FHIT: variants seen among roughly 807,000 people sequenced by gnomAD.
The protein encoded by FHIT is bis(5'-adenosyl)-triphosphatase.
In FHIT, 19 loss-of-function variants were observed where a neutral mutation model predicts 17.9. The observed-to-expected ratio is 1.06, with a 90% CI of 0.74 to 1.56. The LOEUF (loss-of-function observed/expected upper bound fraction) is 1.56. FHIT is among the 40% of genes most tolerant of loss of function. The probability of loss-of-function intolerance (pLI) is 0.00; values close to 1 mark genes in which losing one functional copy is unlikely to be tolerated. For synonymous variants in FHIT, 81 were observed against 69.7 expected (o/e 1.16, Z -0.81); for missense variants, 248 against 189.2 (o/e 1.31, Z -1.82).
chr3:60,861,616 T>C (rs1703899847), intron 3 of FHIT, among the ~76,000 whole-genome samples: 1 of 151,972 alleles, frequency 6.6e-6, no homozygotes, highest in African/African-American at 2.4e-5. Context: ...ATATTGATAG[T>C]CTAGTCTCTC....
At chr3:60,337,981 G>A (rs925058591) in intron 5 of FHIT, among the ~76,000 whole-genome samples, 3 of 152,044 alleles carry the variant, frequency 2.0e-5, no homozygotes, top group South Asian at 2.1e-4. Context: ...TCGAAAAATC[G>A]AACACCCAAG....
chr3:61,226,243 G>A (rs1458211185), intron 1 of FHIT, among the ~76,000 whole-genome samples: 2 of 152,144 alleles, frequency 1.3e-5, no homozygotes, highest in Non-Finnish European at 2.9e-5. Flanking sequence ...GAAAGAAGGT[G>A]CTAGTCAAAT....
At chr3:60,171,370 G>C (rs1402579826) in intron 5 of FHIT, among the ~76,000 whole-genome samples, 1 of 152,092 alleles carries the variant, frequency 6.6e-6, no homozygotes, top group African/African-American at 2.4e-5. Context: ...TGGAGCCTTT[G>C]GGTGATGTTC....
intron 8 of FHIT, among the ~76,000 whole-genome samples, chr3:59,770,219 C>T (rs539792603): frequency 3.9e-5 from 6 of 152,276 alleles, no homozygotes; most frequent in South Asian, 2.1e-4. Flanking sequence ...CTCATCGAAT[C>T]GTCCTAACAA....
intron 4 of FHIT, chr3:60,732,158 C>T (rs946433399): frequency 3.9e-6 from 3 of 772,010 alleles, no homozygotes; most frequent in Non-Finnish European, 6.7e-6. Context: ...TAGAGCTGTC[C>T]ACAGTCAGCA....
At chr3:60,605,784 A>T (rs1553671005) in intron 4 of FHIT, among the ~76,000 whole-genome samples, 1 of 152,154 alleles carries the variant, frequency 6.6e-6, no homozygotes, top group East Asian at 1.9e-4. Flanking sequence ...TGCCTATGAG[A>T]GTTTTGAGAA....
chr3:60,704,605 G>A (rs1577089587), intron 4 of FHIT, among the ~76,000 whole-genome samples: 1 of 152,136 alleles, frequency 6.6e-6, no homozygotes, highest in East Asian at 1.9e-4. Flanking sequence ...CAGGCAGAAA[G>A]AGACAGAAAA....
chr3:60,439,508 T>C (rs190646297), intron 5 of FHIT, among the ~76,000 whole-genome samples: 75 of 151,858 alleles, frequency 4.9e-4, no homozygotes, highest in African/African-American at 1.8e-3. Context: ...CTGCTTTTAG[T>C]TTTGGGTACG....
At chr3:60,200,764 C>T (rs1702864436) in intron 5 of FHIT, among the ~76,000 whole-genome samples, 1 of 152,046 alleles carries the variant, frequency 6.6e-6, no homozygotes, top group African/African-American at 2.4e-5. Flanking sequence ...TGCTACACTG[C>T]TCTTGATGAT....
chr3:60,482,599 G>A (rs2033660930), intron 5 of FHIT, among the ~76,000 whole-genome samples: 1 of 152,118 alleles, frequency 6.6e-6, no homozygotes, highest in Non-Finnish European at 1.5e-5. Flanking sequence ...ATGGAATTAA[G>A]GCGGAAATCA....
At chr3:60,521,740 A>G in intron 5 of FHIT, among the ~76,000 whole-genome samples, 1 of 152,184 alleles carries the variant, frequency 6.6e-6, no homozygotes, top group East Asian at 1.9e-4. Flanking sequence ...GTTTCCCCAT[A>G]TGGGACTAAA....
At chr3:60,552,455 G>C (rs1355008547) in intron 4 of FHIT, among the ~76,000 whole-genome samples, 1 of 152,052 alleles carries the variant, frequency 6.6e-6, no homozygotes, top group African/African-American at 2.4e-5. Context: ...AATGAAAGAG[G>C]GTTCCAAGTC....
rs191108506 is a variant in FHIT at position 60,205,609 on chromosome 3, G to T, written c.104-191457C>A. Among the ~76,000 whole-genome samples, 150 of 152,246 alleles carry T rather than the reference G, an allele frequency of 9.9e-4. 1 individual carries two copies. The highest frequency in any genetic ancestry group is 3.5e-3 in the African/African-American group (146 of 41,542). ...TCTGGGAGCACTCCAGGAAGAGGGA[G>T]GATAGAGCATGGTGGATGAGGTGGG... On this transcript the variant is annotated intron_variant, in intron 5 of 9. Coordinates refer to ENST00000492590, the MANE Select transcript of FHIT (RefSeq NM_002012.4).
At chr3:60,298,196 T>C in intron 5 of FHIT, among the ~76,000 whole-genome samples, 1 of 152,040 alleles carries the variant, frequency 6.6e-6, no homozygotes, top group East Asian at 1.9e-4. Flanking sequence ...GAAGCTTCAT[T>C]TCTTATGCAT....
chr3:60,906,100 A>C (rs927444481), intron 3 of FHIT, among the ~76,000 whole-genome samples: 1 of 152,240 alleles, frequency 6.6e-6, no homozygotes, highest in African/African-American at 2.4e-5. Context: ...GAAAAAAATA[A>C]ATTCAAATAA....
chr3:59,819,056 AGTG>A (rs1700702393), intron 8 of FHIT, among the ~76,000 whole-genome samples: 1 of 152,232 alleles, frequency 6.6e-6, no homozygotes, highest in African/African-American at 2.4e-5. Context: ...GTTGACTTGA[AGTG>A]GTGTAGAAAC....
At chr3:59,918,284 T>C (rs1015484600) in intron 8 of FHIT, among the ~76,000 whole-genome samples, 1 of 152,158 alleles carries the variant, frequency 6.6e-6, no homozygotes, top group Admixed American at 6.5e-5. Context: ...CCAGATTAGA[T>C]CCCTGCCCTA....
At chr3:59,818,019 G>C (rs1700663300) in intron 8 of FHIT, among the ~76,000 whole-genome samples, 1 of 152,060 alleles carries the variant, frequency 6.6e-6, no homozygotes, top group South Asian at 2.1e-4. Context: ...CACAACTTCT[G>C]GTTCTGAGGC....
intron 8 of FHIT, among the ~76,000 whole-genome samples, chr3:59,803,053 T>C (rs1393948870): frequency 6.6e-6 from 1 of 152,180 alleles, no homozygotes; most frequent in East Asian, 1.9e-4. Flanking sequence ...CCTAGCTGAA[T>C]GGTGCATACA....
Sources: allele counts gnomAD v4.1 joint callset (sites outside exome capture counted in the v4.1 genomes callset), GRCh38; gene constraint gnomAD v4.1.1; transcripts MANE v1.5; gene names NCBI Gene and HGNC (gene_info 2026-07-23, HGNC 2026-07-21).